Variants in SLC50A1 observed in about 807,000 individuals in gnomAD.
SLC50A1 encodes the protein sugar transporter SWEET1.
SLC50A1 carries 22 observed loss-of-function variants against 28.9 expected under a neutral mutation model. The ratio of observed to expected loss-of-function variants is 0.76; its 90% CI spans 0.54 to 1.09. The LOEUF (loss-of-function observed/expected upper bound fraction) is 1.09. Among genes scored for constraint, SLC50A1 ranks in the 50% least tolerant of loss-of-function variants. SLC50A1 has a pLI of 0.00. For missense variants in SLC50A1, 233 were observed against 273.4 expected, an observed-to-expected ratio of 0.85 and a Z score of 1.04; for synonymous variants, 96 against 110.6, an observed-to-expected ratio of 0.87 and a Z score of 0.83.
intron 2 of SLC50A1, 54 bp downstream of exon 2, chr1:155,136,430 C>A: frequency 7.2e-7 from 1 of 1,384,904 alleles, no homozygotes; most frequent in Non-Finnish European, 1.0e-6. Context: ...GAGGTGGGGG[C>A]GGGGCAGGAG....
In SLC50A1 at chr1:155,135,956, C is replaced by T. The variant is rs1490370103; in HGVS notation, c.45C>T (p.Cys15=). The part of the protein sequence containing the change: ...GFLDSLIYGA[C]VVFTLGMFSA... ...TGGACTCGCTCATTTACGGAGCATG[C>T]GTGGTCTTCACCCTTGGCATGTTCT... The change falls in exon 1 of 6, where the codon TGC becomes TGT. Residue 15 remains cysteine (C), a synonymous_variant. Transcript: ENST00000368404. The T allele has an allele frequency of 6.2e-7, 1 of 1,614,046 alleles. No individual in the cohort carries two copies. The highest frequency in any genetic ancestry group is 1.1e-5 in the South Asian group (1 of 91,074).
rs770851521 is a variant in SLC50A1 at position 155,135,902 on chromosome 1, T to A, written c.-10T>A. On this transcript the variant is annotated 5_prime_UTR_variant, in exon 1 of 6. Transcript: ENST00000368404. ...GCGGGCGCTGGGCGCGGGATCCGACTCTAGTCGTAATGGAGGCGGGCGGCT... is the reference window on the plus strand; with the variant it reads ...GCGGGCGCTGGGCGCGGGATCCGACACTAGTCGTAATGGAGGCGGGCGGCT... The A allele has an allele frequency of 3.1e-6, 5 of 1,613,542 alleles. No homozygotes were observed. Among genetic ancestry groups the A allele is most frequent in the Non-Finnish European group, 4.2e-6 (5 of 1,179,860 alleles).
Position 155,136,855 on chromosome 1 carries a change from T to G in SLC50A1, c.186T>G (p.Ala62=). 6.2e-7 allele frequency: 1 copy of G among 1,614,192 alleles called. No homozygotes were observed. Among genetic ancestry groups the G allele is most frequent in the Non-Finnish European group, 8.5e-7 (1 of 1,180,024 alleles). The stretch of plus-strand genomic sequence containing the variant: ...ACCTGGGCTGGCTGAGTTATGGGGC[T>G]TTGAAGGGAGACGGGATCCTCATCG... The part of the protein sequence containing the change: ...VNNLGWLSYG[A]LKGDGILIVV... Residue 62 remains alanine (A), a synonymous_variant, in exon 3 of 6, where the codon GCT becomes GCG. Coordinates refer to ENST00000368404, the MANE Select transcript of SLC50A1 (RefSeq NM_018845.4).
At chr1:155,137,839 T>C in intron 4 of SLC50A1, 117 bp downstream of exon 4, 3 of 1,578,052 alleles carry the variant, frequency 1.9e-6, no homozygotes, top group Non-Finnish European at 2.6e-6. Context: ...GACAAGGCAG[T>C]AGAAGTGGGC....
At chr1:155,135,655 A>AGG (rs1180625509), upstream of SLC50A1, 7 of 1,550,426 alleles carry the variant, frequency 4.5e-6, no homozygotes, top group Non-Finnish European at 6.1e-6. Flanking sequence ...AGCCCTAGGA[A>AGG]GGGGACTGAC....
chr1:155,138,418 C>A lies in SLC50A1; in HGVS notation c.*137C>A. The A allele has an allele frequency of 1.4e-6, 1 of 733,362 alleles. No homozygotes were observed. Among genetic ancestry groups the A allele is most frequent in the South Asian group, 1.8e-5 (1 of 56,196 alleles). 45.4% of individuals were successfully genotyped at this position (733,362 alleles called of 1,614,324 possible). A position where few individuals can be genotyped will look rare whatever the true frequency, so the allele number is the denominator to read the frequency against. On this transcript the variant is annotated 3_prime_UTR_variant, in exon 6 of 6. Coordinates refer to ENST00000368404, the MANE Select transcript of SLC50A1 (RefSeq NM_018845.4). ...AGAGATGACTTTGAGGATAAAAGGACCAAAGAAAAAGCTTTACTTAGATGA... is the reference window on the plus strand; with the variant it reads ...AGAGATGACTTTGAGGATAAAAGGAACAAAGAAAAAGCTTTACTTAGATGA...
In SLC50A1 at chr1:155,138,331, G is replaced by T; in HGVS notation, c.*50G>T. 1 of 1,572,950 alleles carries T rather than the reference G, an allele frequency of 6.4e-7. No individual in the cohort carries two copies. Among genetic ancestry groups the T allele is most frequent in the South Asian group, 1.1e-5 (1 of 88,894 alleles). ...CCTTAGTGCCAACCTGAACCAAAGA[G>T]ACCTCCTTGTTTCAGCTGGGCCTGC... On this transcript the variant is annotated 3_prime_UTR_variant, in exon 6 of 6. Coordinates refer to ENST00000368404, the MANE Select transcript of SLC50A1 (RefSeq NM_018845.4).
At chr1:155,137,117 G>A in intron 3 of SLC50A1, 166 bp downstream of exon 3, 1 of 872,262 alleles carries the variant, frequency 1.1e-6, no homozygotes. Flanking sequence ...CTTCTGAGAT[G>A]AACACATTGC....
chr1:155,137,491 C>T, intron 3 of SLC50A1, 70 bp from the exon 4 acceptor site: 3 of 1,584,636 alleles, frequency 1.9e-6, no homozygotes, highest in Non-Finnish European at 8.6e-7. Context: ...CTGGAGAAGG[C>T]AGGATGAATT....
chr1:155,136,707 C>T (rs1214322762), intron 2 of SLC50A1, 121 bp from the exon 3 acceptor site: 13 of 1,373,166 alleles, frequency 9.5e-6, no homozygotes, highest in Non-Finnish European at 1.2e-5. Flanking sequence ...CGTGCCACCG[C>T]ACTCCAGCCT....
rs1363905945 is a variant in SLC50A1, at chr1:155,138,778, C to T, written c.*497C>T. 1.1e-5 allele frequency: 2 copies of T among 174,334 alleles called. No individual in the cohort carries two copies. The highest frequency in any genetic ancestry group is 1.5e-4 in the East Asian group (1 of 6,800). 10.8% of individuals were successfully genotyped at this position (174,334 alleles called of 1,614,324 possible). A position where few individuals can be genotyped will look rare whatever the true frequency, so the allele number is the denominator to read the frequency against. On this transcript the variant is annotated 3_prime_UTR_variant, in exon 6 of 6. Coordinates refer to ENST00000368404, the MANE Select transcript of SLC50A1 (RefSeq NM_018845.4). ...GGTGGAGGTTGCAGTGAGCTGAGAT[C>T]GTGCCATTGTGATATGAATATGCCT...
Position 155,138,200 on chromosome 1 carries a change from C to T in SLC50A1, c.585C>T (p.Ile195=), listed in dbSNP as rs986659143. 3.1e-6 allele frequency: 5 copies of T among 1,614,062 alleles called. No individual in the cohort carries two copies. Among genetic ancestry groups the T allele is most frequent in the East Asian group, 4.5e-5 (2 of 44,894 alleles). The change falls in exon 6 of 6, where the codon ATC becomes ATT. Residue 195 remains isoleucine, a synonymous_variant. Coordinates refer to ENST00000368404, the MANE Select transcript of SLC50A1 (RefSeq NM_018845.4). ...TTCAGGTGTCCAACTTTCCAGGAAT[C>T]GTCACCAGCTTTATCCGCTTCTGGC... ...PYIMVSNFPG[I]VTSFIRFWLF...
Position 155,136,868 on chromosome 1 carries a change from G to A in SLC50A1, c.199G>A (p.Gly67Arg). ...GAGTTATGGGGCTTTGAAGGGAGAC[G>A]GGATCCTCATCGTCGTCAACACAGT... ...WLSYGALKGD[G>R]ILIVVNTVGA... Residue 67 changes from glycine (G) to arginine (R), a missense_variant, in exon 3 of 6, where the codon GGG (glycine) becomes AGG (arginine). Coordinates refer to ENST00000368404, the MANE Select transcript of SLC50A1 (RefSeq NM_018845.4). 1.2e-6 allele frequency: 2 copies of A among 1,614,196 alleles called. No homozygotes were observed. Among genetic ancestry groups the A allele is most frequent in the East Asian group, 2.2e-5 (1 of 44,888 alleles).
At chr1:155,136,530 T>C (rs969692015) in intron 2 of SLC50A1, 154 bp downstream of exon 2, 5 of 762,566 alleles carry the variant, frequency 6.6e-6, no homozygotes, top group Admixed American at 6.5e-5. Flanking sequence ...GATCACGAGG[T>C]CAGGAGATCC....
In SLC50A1 at chr1:155,137,591, C is replaced by T. The variant is rs754713835; in HGVS notation, c.313C>T (p.Leu105=). ...TGTGCTCCTACAGACTGCAACCCTG[C>T]TAGGGGTCCTTCTCCTGGGTTATGG... ...RVVLLQTATL[L]GVLLLGYGYF... Residue 105 remains leucine (L), a synonymous_variant, in exon 4 of 6, where the codon CTA becomes TTA. Transcript: ENST00000368404. 6.2e-7 allele frequency: 1 copy of T among 1,614,100 alleles called. No homozygotes were observed. The highest frequency in any genetic ancestry group is 8.5e-7 in the Non-Finnish European group (1 of 1,179,960).
upstream of SLC50A1, chr1:155,135,731 C>T: frequency 2.6e-6 from 4 of 1,549,378 alleles, no homozygotes; most frequent in Non-Finnish European, 3.5e-6. Context: ...GCGCGAGTTC[C>T]GGTTCGGCGT....
At chr1:155,136,180 G>A (rs889824758) in intron 1 of SLC50A1, 119 bp from the exon 2 acceptor site, 2 of 865,428 alleles carry the variant, frequency 2.3e-6, no homozygotes, top group East Asian at 5.6e-5. Flanking sequence ...TAGCTGGCGG[G>A]GGGGAGAGGG....
intron 1 of SLC50A1, 36 bp downstream of exon 1, chr1:155,136,027 G>C: frequency 1.2e-6 from 2 of 1,611,168 alleles, no homozygotes; most frequent in Non-Finnish European, 1.7e-6. Flanking sequence ...GGGAGGACTA[G>C]GCAGTCAGGA....
intron 2 of SLC50A1, 132 bp downstream of exon 2, chr1:155,136,508 C>G: frequency 1.2e-6 from 1 of 837,876 alleles, no homozygotes; most frequent in Non-Finnish European, 2.0e-6. Context: ...CTTTGGGAGG[C>G]CGAGACGGGC....
Sources: gnomAD v4.1 joint callset for allele counts on GRCh38, gnomAD v4.1.1 for gene constraint, MANE v1.5 for transcripts, NCBI Gene and HGNC (gene_info 2026-07-23, HGNC 2026-07-21) for gene names.